The following ROR1 variants were observed in gnomAD, a reference collection of about 807,000 sequenced individuals.
The protein encoded by ROR1 is inactive tyrosine-protein kinase transmembrane receptor ROR1.
ROR1 carries 19 observed loss-of-function variants against 78.8 expected under a neutral mutation model. The observed-to-expected ratio is 0.24, with a 90% CI of 0.17 to 0.35. ROR1 has a LOEUF of 0.35. Ranked by LOEUF, ROR1 falls within the 10% of genes least tolerant of loss-of-function variation. The pLI, the probability that ROR1 is intolerant of heterozygous loss-of-function variation, is 1.00. For missense variants in ROR1, 917 were observed against 1,177.8 expected, an observed-to-expected ratio of 0.78 and a Z score of 3.24; for synonymous variants, 386 against 433.6, an observed-to-expected ratio of 0.89 and a Z score of 1.36.
At chr1:63,926,751 A>G (rs1408678669) in intron 1 of ROR1, among the ~76,000 whole-genome samples, 1 of 114,308 alleles carries the variant, frequency 8.7e-6, no homozygotes, top group Non-Finnish European at 1.9e-5. Flanking sequence ...ATTCCTAGGT[A>G]TTTTATTCTC....
At position 64,067,444 on chromosome 1, in the gene ROR1, C is replaced by CAAAAA. The variant is rs58105318; in HGVS notation, c.482+16748_482+16752dup. ...TGGGCGACAGAGCGAGCCTCCGTCTCAAAAAAAAAAAAAAAAAAAAAAAAG... is the reference window on the plus strand; with the variant it reads ...TGGGCGACAGAGCGAGCCTCCGTCTCAAAAAAAAAAAAAAAAAAAAAAAAAAAAAG... On this transcript the variant is annotated intron_variant, in intron 4 of 8. Transcript: ENST00000371079. 2.4e-3 allele frequency among the ~76,000 whole-genome samples: 136 copies of CAAAAA among 57,414 alleles called. 6 individuals are homozygous for CAAAAA. The highest frequency in any genetic ancestry group is 2.8e-3 in the South Asian group (3 of 1,078). The allele number at this position is 57,414 out of a possible 152,430, so 37.7% of individuals were successfully genotyped here. A position where few individuals can be genotyped will look rare whatever the true frequency, so the allele number is the denominator to read the frequency against.
chr1:63,925,125 C>T (rs1645690826), intron 1 of ROR1, among the ~76,000 whole-genome samples: 2 of 150,190 alleles, frequency 1.3e-5, no homozygotes, highest in Non-Finnish European at 1.5e-5. Flanking sequence ...AACTCATCAT[C>T]TAGCATTAGG....
intron 1 of ROR1, among the ~76,000 whole-genome samples, chr1:63,874,944 T>G (rs938161538): frequency 5.9e-5 from 9 of 152,146 alleles, no homozygotes; most frequent in African/African-American, 2.2e-4. Context: ...GCATAGAGTA[T>G]GGTGGAGCAT....
rs377027073 is a variant in ROR1, at chr1:64,028,082, T to C, written c.163+18706T>C. Among the ~76,000 whole-genome samples, 25 of 152,300 alleles carry C rather than the reference T, an allele frequency of 1.6e-4. 1 individual carries two copies. The highest frequency in any genetic ancestry group is 4.6e-4 in the African/African-American group (19 of 41,574). ...TGATTATACCTTGTCTTGTTGCCAGTGTGGAGAACTGCCTCTCTTCTCTTA... is the reference window on the plus strand; with the variant it reads ...TGATTATACCTTGTCTTGTTGCCAGCGTGGAGAACTGCCTCTCTTCTCTTA... On this transcript the variant is annotated intron_variant, in intron 2 of 8. Coordinates refer to ENST00000371079, the MANE Select transcript of ROR1 (RefSeq NM_005012.4).
At chr1:63,829,810 G>C (rs1322087837) in intron 1 of ROR1, among the ~76,000 whole-genome samples, 1 of 152,106 alleles carries the variant, frequency 6.6e-6, no homozygotes, top group Non-Finnish European at 1.5e-5. Flanking sequence ...CAAGAAAGGA[G>C]TGACTTGGTC....
chr1:63,943,459 A>G (rs892634614), intron 1 of ROR1, among the ~76,000 whole-genome samples: 2 of 152,192 alleles, frequency 1.3e-5, no homozygotes, highest in Non-Finnish European at 2.9e-5. Flanking sequence ...CTTGCTCTTT[A>G]GGAAGTCCGT....
chr1:64,054,758 T>C (rs1359687259), intron 4 of ROR1, among the ~76,000 whole-genome samples: 2 of 152,186 alleles, frequency 1.3e-5, no homozygotes, highest in African/African-American at 4.8e-5. Flanking sequence ...CTGGAAAGTA[T>C]CACAAACTGC....
chr1:63,865,817 G>A (rs1041245185), intron 1 of ROR1, among the ~76,000 whole-genome samples: 1 of 152,120 alleles, frequency 6.6e-6, no homozygotes, highest in Non-Finnish European at 1.5e-5. Flanking sequence ...GGTTGCCAGG[G>A]GTAGCTTTTT....
intron 1 of ROR1, among the ~76,000 whole-genome samples, chr1:64,003,677 C>T (rs1357170880): frequency 1.1e-5 from 1 of 92,830 alleles, no homozygotes; most frequent in East Asian, 5.5e-4. Flanking sequence ...TAGAGCATGG[C>T]TCAGGTTGAC....
chr1:64,151,882 C>CAA (rs36006598), intron 7 of ROR1, among the ~76,000 whole-genome samples: 35,469 of 140,868 alleles, frequency 0.25, 5,002 homozygotes, highest in East Asian at 0.36. Context: ...CACTCCGTCT[C>CAA]AAAAAAAAAA....
intron 4 of ROR1, among the ~76,000 whole-genome samples, chr1:64,085,477 A>G (rs916982359): frequency 6.6e-6 from 1 of 152,206 alleles, no homozygotes; most frequent in African/African-American, 2.4e-5. Flanking sequence ...AGTGTTGCCC[A>G]GCTTTCCATA....
At chr1:64,049,612 A>G in intron 2 of ROR1, 79 bp from the exon 3 acceptor site, 1 of 1,259,774 alleles carries the variant, frequency 7.9e-7, no homozygotes, top group Non-Finnish European at 1.1e-6. Flanking sequence ...TCCCAAGGGT[A>G]CACTGGAGGG....
At chr1:63,896,426 A>G (rs1272479433) in intron 1 of ROR1, among the ~76,000 whole-genome samples, 2 of 152,138 alleles carry the variant, frequency 1.3e-5, no homozygotes, top group African/African-American at 2.4e-5. Flanking sequence ...TCTCCAAAGT[A>G]TGTGCTGGGT....
chr1:64,100,892 G>A lies in ROR1; in HGVS notation c.483-36477G>A, dbSNP rs561102741. On this transcript the variant is annotated intron_variant, in intron 4 of 8. Transcript: ENST00000371079. ...CTGTGCCTGGACCATGGAATAGATC[G>A]TTCATAAGATTGCTGCATCTCAGGA... 7.2e-5 allele frequency among the ~76,000 whole-genome samples: 11 copies of A among 152,292 alleles called. No homozygotes were observed. In the East Asian group the frequency reaches 7.7e-4, roughly 11 times the overall value.
At chr1:64,066,640 T>A (rs1054265645) in intron 4 of ROR1, 2 of 152,374 alleles carry the variant, frequency 1.3e-5, no homozygotes, top group African/African-American at 4.8e-5. Flanking sequence ...CCACATTTTT[T>A]AAAGGCTAGT....
chr1:64,015,487 C>T (rs1646513594), intron 2 of ROR1, among the ~76,000 whole-genome samples: 1 of 152,148 alleles, frequency 6.6e-6, no homozygotes, highest in Non-Finnish European at 1.5e-5. Flanking sequence ...TGGTTTGCTC[C>T]CTCTTGTCCC....
intron 1 of ROR1, among the ~76,000 whole-genome samples, chr1:63,893,758 T>G (rs556434803): frequency 7.9e-5 from 12 of 152,162 alleles, no homozygotes; most frequent in Admixed American, 3.9e-4. Context: ...TCAAGAGATA[T>G]ACAGTGGTCC....
intron 8 of ROR1, among the ~76,000 whole-genome samples, chr1:64,168,939 C>G (rs1360239080): frequency 2.6e-5 from 4 of 152,238 alleles, no homozygotes; most frequent in Non-Finnish European, 5.9e-5. Flanking sequence ...GTCTCCTCAA[C>G]TGAGAACTGT....
chr1:64,139,836 A>G (rs1318223400), intron 5 of ROR1, among the ~76,000 whole-genome samples: 1 of 152,196 alleles, frequency 6.6e-6, no homozygotes, highest in Non-Finnish European at 1.5e-5. Context: ...AATGAAAAAT[A>G]TATTGTACTT....
Sources: gnomAD v4.1 joint callset for allele counts (sites outside exome capture counted in the v4.1 genomes callset) on GRCh38, gnomAD v4.1.1 for gene constraint, MANE v1.5 for transcripts, NCBI Gene and HGNC (gene_info 2026-07-23, HGNC 2026-07-21) for gene names.